Variants in PCCA observed in about 807,000 individuals in gnomAD.
The protein encoded by PCCA is propionyl-CoA carboxylase subunit alpha.
PCCA carries 74 observed loss-of-function variants against 101.3 expected under a neutral mutation model. The ratio of observed to expected loss-of-function variants is 0.73; its 90% CI spans 0.61 to 0.89. The LOEUF (loss-of-function observed/expected upper bound fraction) is 0.89. Among genes scored for constraint, PCCA ranks in the 40% least tolerant of loss-of-function variants. The probability of loss-of-function intolerance (pLI) is 0.00; values close to 1 mark genes in which losing one functional copy is unlikely to be tolerated. For synonymous variants in PCCA, 294 were observed against 313.6 expected (o/e 0.94, Z 0.66); for missense variants, 891 against 907.0 (o/e 0.98, Z 0.23).
intron 21 of PCCA, among the ~76,000 whole-genome samples, chr13:100,454,352 G>A (rs2081563213): frequency 6.6e-6 from 1 of 152,188 alleles, no homozygotes; most frequent in Non-Finnish European, 1.5e-5. Context: ...AAAATTCACA[G>A]TACAGCATAG....
intron 12 of PCCA, among the ~76,000 whole-genome samples, chr13:100,273,565 G>A (rs931437390): frequency 2.6e-5 from 4 of 152,148 alleles, no homozygotes; most frequent in African/African-American, 7.2e-5. Flanking sequence ...AATACTTTAT[G>A]TTGGAAATAC....
At chr13:100,445,234 C>T (rs1412040106) in intron 20 of PCCA, among the ~76,000 whole-genome samples, 1 of 152,182 alleles carries the variant, frequency 6.6e-6, no homozygotes, top group African/African-American at 2.4e-5. Context: ...TCCCAATGAT[C>T]CACACACCCC....
intron 19 of PCCA, among the ~76,000 whole-genome samples, chr13:100,404,019 G>C (rs969715850): frequency 6.6e-6 from 1 of 152,164 alleles, no homozygotes; most frequent in African/African-American, 2.4e-5. Flanking sequence ...GCTGACAGGG[G>C]ATGCTGTTTT....
At chr13:100,150,711 A>T in intron 4 of PCCA, 1 of 1,577,712 alleles carries the variant, frequency 6.3e-7, no homozygotes. Context: ...ACCTCAAAAA[A>T]TTTGTATGTG....
chr13:100,465,528 CTGAGT>C (rs1400861438), intron 21 of PCCA, among the ~76,000 whole-genome samples: 3 of 152,096 alleles, frequency 2.0e-5, no homozygotes, highest in African/African-American at 7.2e-5. Flanking sequence ...TAGATTCAGT[CTGAGT>C]TATTTCAAGT....
intron 8 of PCCA, among the ~76,000 whole-genome samples, chr13:100,246,168 G>C (rs1297822034): frequency 6.6e-6 from 1 of 152,190 alleles, no homozygotes; most frequent in African/African-American, 2.4e-5. Flanking sequence ...ACTTACAACA[G>C]TTGGGGCAAT....
At chr13:100,357,604 A>G (rs2074082137) in intron 18 of PCCA, among the ~76,000 whole-genome samples, 1 of 152,222 alleles carries the variant, frequency 6.6e-6, no homozygotes. Context: ...TCCTTTCCAG[A>G]TAAATAATTA....
intron 21 of PCCA, among the ~76,000 whole-genome samples, chr13:100,481,900 G>A (rs2083971002): frequency 6.6e-6 from 1 of 152,230 alleles, no homozygotes; most frequent in Non-Finnish European, 1.5e-5. Context: ...TTCCTGGGGT[G>A]AAAGCTCAGG....
chr13:100,372,305 T>C (rs921451173), intron 19 of PCCA, among the ~76,000 whole-genome samples: 1 of 152,154 alleles, frequency 6.6e-6, no homozygotes, highest in Non-Finnish European at 1.5e-5. Flanking sequence ...TAAGCTGAGA[T>C]CGTGCCACTG....
At position 100,530,147 on chromosome 13, in the gene PCCA, T is replaced by C; in HGVS notation, c.2168T>C (p.Leu723Pro). Reference protein sequence around the residue: ...QAGDTVGEGDLLVELE With the variant: ...QAGDTVGEGDPLVELE Reference sequence around the variant, plus strand: ...GGAGACACAGTTGGAGAAGGGGATCTGCTCGTGGAGCTGGAATGAAGGATT... The same window carrying C: ...GGAGACACAGTTGGAGAAGGGGATCCGCTCGTGGAGCTGGAATGAAGGATT... Residue 723 changes from leucine to proline, a missense_variant, in exon 24 of 24, where the codon CTG (leucine) becomes CCG (proline). Leu to Pro is a moderately conservative substitution (Grantham distance 98). Coordinates refer to ENST00000376285, the MANE Select transcript of PCCA (RefSeq NM_000282.4). The C allele has an allele frequency of 6.2e-7, 1 of 1,613,968 alleles. No individual in the cohort carries two copies. Among genetic ancestry groups the C allele is most frequent in the Non-Finnish European group, 8.5e-7 (1 of 1,179,800 alleles).
chr13:100,161,149 G>T (rs1196157233), intron 6 of PCCA: 1 of 152,144 alleles, frequency 6.6e-6, no homozygotes, highest in East Asian at 1.9e-4. Context: ...ACTGTAAAAT[G>T]AGAGGTAATT....
At chr13:100,171,319 A>G (rs535869213) in intron 6 of PCCA, among the ~76,000 whole-genome samples, 17 of 152,340 alleles carry the variant, frequency 1.1e-4, no homozygotes, top group Admixed American at 3.3e-4. Context: ...GAGATTGTCA[A>G]TATTTAAAAC....
chr13:100,248,381 T>G (rs1168288894), intron 8 of PCCA, among the ~76,000 whole-genome samples: 1 of 152,186 alleles, frequency 6.6e-6, no homozygotes, highest in Admixed American at 6.5e-5. Context: ...TTATACTCTA[T>G]TTCTATTGTT....
intron 21 of PCCA, among the ~76,000 whole-genome samples, chr13:100,458,451 A>G (rs1196817106): frequency 2.3e-5 from 1 of 42,954 alleles, no homozygotes; most frequent in South Asian, 9.1e-4. Context: ...ACACACACAC[A>G]CACACACACA....
At chr13:100,138,300 C>T (rs753855126) in intron 4 of PCCA, among the ~76,000 whole-genome samples, 2 of 152,018 alleles carry the variant, frequency 1.3e-5, no homozygotes, top group African/African-American at 2.4e-5. Context: ...TTATAATATA[C>T]ATACTTAACT....
At chr13:100,370,595 A>G (rs1472190972) in intron 19 of PCCA, among the ~76,000 whole-genome samples, 1 of 152,130 alleles carries the variant, frequency 6.6e-6, no homozygotes. Context: ...GATTTCCTAT[A>G]TTTATTGGCT....
At chr13:100,166,543 C>T (rs1309955274) in intron 6 of PCCA, among the ~76,000 whole-genome samples, 1 of 152,146 alleles carries the variant, frequency 6.6e-6, no homozygotes, top group Admixed American at 6.5e-5. Flanking sequence ...AAGTGAGCTG[C>T]CTGCCTCAGC....
chr13:100,268,858 C>A, intron 11 of PCCA, 75 bp downstream of exon 11: 1 of 1,029,002 alleles, frequency 9.7e-7, no homozygotes, highest in Non-Finnish European at 1.5e-6. Context: ...ATTCATCATT[C>A]ACTGACGCAT....
chr13:100,154,872 A>G (rs1200911956), intron 4 of PCCA, 107 bp from the exon 5 acceptor site: 9 of 801,912 alleles, frequency 1.1e-5, no homozygotes, highest in East Asian at 4.9e-5. Context: ...ATACGACTCT[A>G]TAAATGATAG....
Sources: gnomAD v4.1 joint callset for allele counts (sites outside exome capture counted in the v4.1 genomes callset) on GRCh38, gnomAD v4.1.1 for gene constraint, MANE v1.5 for transcripts, NCBI Gene and HGNC (gene_info 2026-07-23, HGNC 2026-07-21) for gene names.